The following TAGLN3 variants were observed in gnomAD, a reference collection of about 807,000 sequenced individuals.
The protein encoded by TAGLN3 is transgelin-3.
TAGLN3 carries 12 observed loss-of-function variants against 25.4 expected under a neutral mutation model. That is an observed-to-expected ratio of 0.47 (90% CI 0.30 to 0.77). The LOEUF is 0.77. TAGLN3 is among the 30% of genes least tolerant of loss of function. The probability of loss-of-function intolerance (pLI) is 0.06; values close to 1 mark genes in which losing one functional copy is unlikely to be tolerated. For missense variants in TAGLN3, 218 were observed against 255.8 expected (o/e 0.85, Z 1.01); for synonymous variants, 96 against 94.8 (o/e 1.01, Z -0.08).
intron 3 of TAGLN3, among the ~76,000 whole-genome samples, chr3:112,007,003 G>C (rs191483491): frequency 1.3e-5 from 2 of 152,318 alleles, no homozygotes; most frequent in Admixed American, 6.5e-5. Context: ...AAGTAAAGCT[G>C]TCAGTTGCTA....
intron 3 of TAGLN3, among the ~76,000 whole-genome samples, chr3:112,010,620 C>A (rs910187406): frequency 6.6e-6 from 1 of 152,192 alleles, no homozygotes; most frequent in Non-Finnish European, 1.5e-5. Context: ...TCATTCTCCA[C>A]CACCCCAGTT....
At chr3:112,008,903 C>T (rs369072244) in intron 3 of TAGLN3, among the ~76,000 whole-genome samples, 3 of 152,134 alleles carry the variant, frequency 2.0e-5, no homozygotes, top group African/African-American at 4.8e-5. Flanking sequence ...TTTTAGCTCA[C>T]GGTTCTGCAG....
intron 3 of TAGLN3, among the ~76,000 whole-genome samples, chr3:112,002,643 TC>T (rs56092285): frequency 6.3e-5 from 9 of 141,960 alleles, no homozygotes; most frequent in East Asian, 4.2e-4. Context: ...CCCGGGTGAG[TC>T]CCCCCCCCAC....
At chr3:112,005,243 C>A (rs1348943609) in intron 3 of TAGLN3, among the ~76,000 whole-genome samples, 2 of 152,190 alleles carry the variant, frequency 1.3e-5, no homozygotes, top group Non-Finnish European at 2.9e-5. Context: ...AAGAAGCTAG[C>A]ACAGTGCCTG....
At chr3:112,007,823 G>T (rs529778844) in intron 3 of TAGLN3, among the ~76,000 whole-genome samples, 1 of 152,302 alleles carries the variant, frequency 6.6e-6, no homozygotes, top group African/African-American at 2.4e-5. Context: ...AGGAGTTATT[G>T]CTTAACAAAT....
chr3:112,013,800 TTATTTATTTA>T lies in TAGLN3; in HGVS notation c.*251_*260del. 1 of 387,622 alleles carries T rather than the reference TTATTTATTTA, an allele frequency of 2.6e-6. No homozygotes were observed. The highest frequency in any genetic ancestry group is 4.9e-5 in the East Asian group (1 of 20,232). 24.0% of individuals were successfully genotyped at this position (387,622 alleles called of 1,614,324 possible). Reference sequence around the variant, plus strand: ...CTCGGGCCCCAGAGTCTCTGTTTGATTATTTATTTATTTATTTATTTATTTGCCAAAAATT... The same window carrying T: ...CTCGGGCCCCAGAGTCTCTGTTTGATTTTATTTATTTATTTGCCAAAAATT... On this transcript the variant is annotated 3_prime_UTR_variant, in exon 5 of 5. Transcript: ENST00000478951.
rs1165368614 is a variant in TAGLN3, at chr3:112,005,693, C to CTTTT, written c.355+4752_355+4755dup. 2.4e-4 allele frequency among the ~76,000 whole-genome samples: 19 copies of CTTTT among 79,978 alleles called. 5 individuals are homozygous for CTTTT. Among genetic ancestry groups the CTTTT allele is most frequent in the African/African-American group, 4.0e-4 (9 of 22,256 alleles). The allele number at this position is 79,978 out of a possible 152,430, so 52.5% of individuals were successfully genotyped here. On this transcript the variant is annotated intron_variant, in intron 3 of 4. Transcript: ENST00000478951. ...TGTCTGCTGCTCGAAGCCTAATTTT[C>CTTTT]TTTTTTTTCTTTTTTTTTTTTTTTG...
chr3:112,000,914 C>A lies in TAGLN3; in HGVS notation c.323C>A (p.Thr108Asn), dbSNP rs750535088. Reference protein sequence around the residue: ...KAAETYGVRTTDIFQTVDLWE... With the variant: ...KAAETYGVRTNDIFQTVDLWE... ...GCGGAGACCTATGGTGTCAGAACCA[C>A]CGACATCTTTCAGACGGTGGATCTA... Residue 108 changes from threonine to asparagine, a missense_variant, in exon 3 of 5, where the codon ACC (threonine) becomes AAC (asparagine). By Grantham distance (65) the Thr-to-Asn change is moderately conservative (BLOSUM62 0). Coordinates refer to ENST00000478951, the MANE Select transcript of TAGLN3 (RefSeq NM_001008272.2). 1 of 1,614,144 alleles carries A rather than the reference C, an allele frequency of 6.2e-7. No homozygotes were observed.
rs1415967092 is a variant in TAGLN3 at position 112,000,757 on chromosome 3, C to G, written c.181-15C>G. On this transcript the variant is annotated splice_polypyrimidine_tract_variant and intron_variant, in intron 2 of 4. Coordinates refer to ENST00000478951, the MANE Select transcript of TAGLN3 (RefSeq NM_001008272.2). ...AAAGGGAAACATTGATTCTGTCTCT[C>G]CCCTCCCTCTTCAGGTCCTGTGCAA... 2 of 1,610,236 alleles carry G rather than the reference C, an allele frequency of 1.2e-6. No individual in the cohort carries two copies. The highest frequency in any genetic ancestry group is 3.3e-5 in the Admixed American group (2 of 59,854).
chr3:112,002,247 T>C (rs1388815114), intron 3 of TAGLN3, among the ~76,000 whole-genome samples: 1 of 152,244 alleles, frequency 6.6e-6, no homozygotes, highest in Non-Finnish European at 1.5e-5. Context: ...TGTTTTCCTA[T>C]GCACAAGGCA....
Position 112,013,504 on chromosome 3 carries a change from T to C in TAGLN3, c.553T>C (p.Ser185Pro). 1 of 1,614,186 alleles carries C rather than the reference T, an allele frequency of 6.2e-7. No homozygotes were observed. The highest frequency in any genetic ancestry group is 8.5e-7 in the Non-Finnish European group (1 of 1,180,020). The change falls in exon 5 of 5, where the codon TCC becomes CCC. Residue 185 changes from serine to proline, a missense_variant. Coordinates refer to ENST00000478951, the MANE Select transcript of TAGLN3 (RefSeq NM_001008272.2). ...GLQMGSNKGA[S>P]QAGMTGYGMP... ...GCAGATGGGCAGCAACAAGGGAGCC[T>C]CCCAGGCGGGCATGACAGGGTACGG...
At chr3:112,006,893 T>A (rs9985479) in intron 3 of TAGLN3, among the ~76,000 whole-genome samples, 12 of 152,346 alleles carry the variant, frequency 7.9e-5, no homozygotes, top group African/African-American at 2.6e-4. Flanking sequence ...CCTCCAGTCC[T>A]ACTCCCCAGG....
chr3:112,012,517 C>A (rs1166280868), intron 4 of TAGLN3, among the ~76,000 whole-genome samples: 1 of 151,236 alleles, frequency 6.6e-6, no homozygotes, highest in East Asian at 1.9e-4. Flanking sequence ...GTAGGGTAGG[C>A]AGGAAGCTTA....
At chr3:112,000,522 G>A (rs1487979599) in intron 2 of TAGLN3, 1 of 381,440 alleles carries the variant, frequency 2.6e-6, no homozygotes, top group Non-Finnish European at 4.7e-6. Context: ...GGAACAGGGA[G>A]GGAATGGCGC....
chr3:112,008,914 A>C (rs1027894242), intron 3 of TAGLN3, among the ~76,000 whole-genome samples: 1 of 152,152 alleles, frequency 6.6e-6, no homozygotes, highest in African/African-American at 2.4e-5. Flanking sequence ...GGTTCTGCAG[A>C]GTGTACAGGA....
At chr3:112,000,092 C>T (rs1364798113) in intron 2 of TAGLN3, among the ~76,000 whole-genome samples, 1 of 152,108 alleles carries the variant, frequency 6.6e-6, no homozygotes, top group African/African-American at 2.4e-5. Context: ...TGAAAGGAGT[C>T]CTTATTTGTT....
rs1399172556 is a variant in TAGLN3 at position 111,999,092 on chromosome 3, T to G, written c.-25T>G. The G allele has an allele frequency of 5.3e-6, 1 of 188,716 alleles. No homozygotes were observed. Among genetic ancestry groups the G allele is most frequent in the African/African-American group, 2.3e-5 (1 of 42,936 alleles). 11.7% of individuals were successfully genotyped at this position (188,716 alleles called of 1,614,324 possible). The stretch of plus-strand genomic sequence containing the variant: ...AACGTCCGCCACCCATCCCCCTTGC[T>G]GCCTGGGGGTTCAGACTTGATTGTG... On this transcript the variant is annotated 5_prime_UTR_variant, in exon 1 of 5. Coordinates refer to ENST00000478951, the MANE Select transcript of TAGLN3 (RefSeq NM_001008272.2).
intron 3 of TAGLN3, 99 bp downstream of exon 3, chr3:112,001,045 ATGTG>A: frequency 1.8e-6 from 2 of 1,091,094 alleles, no homozygotes; most frequent in Non-Finnish European, 2.7e-6. Context: ...GTGCCGATTG[ATGTG>A]TGTAAGATGC....
At chr3:112,002,353 C>G (rs1020339306) in intron 3 of TAGLN3, among the ~76,000 whole-genome samples, 1 of 152,212 alleles carries the variant, frequency 6.6e-6, no homozygotes, top group Non-Finnish European at 1.5e-5. Context: ...GATGATGATA[C>G]TGAAGCTTGC....
Sources: allele counts gnomAD v4.1 joint callset (sites outside exome capture counted in the v4.1 genomes callset), GRCh38; gene constraint gnomAD v4.1.1; transcripts MANE v1.5; gene names NCBI Gene and HGNC (gene_info 2026-07-23, HGNC 2026-07-21).